Variants in KLHL29 observed in about 807,000 individuals in gnomAD.
KLHL29 encodes kelch like family member 29.
A neutral mutation model predicts 80.4 loss-of-function variants in KLHL29; 21 were observed. The ratio of observed to expected loss-of-function variants is 0.26; its 90% CI spans 0.19 to 0.38. The LOEUF is 0.38. Among genes scored for constraint, KLHL29 ranks in the 10% least tolerant of loss-of-function variants. The pLI, the probability that KLHL29 is intolerant of heterozygous loss-of-function variation, is 1.00. For missense variants in KLHL29, 867 were observed against 1,223.9 expected, an observed-to-expected ratio of 0.71 and a Z score of 4.35; for synonymous variants, 511 against 526.8, an observed-to-expected ratio of 0.97 and a Z score of 0.41.
chr2:23,513,090 G>A (rs567104586), intron 2 of KLHL29, among the ~76,000 whole-genome samples: 1 of 152,362 alleles, frequency 6.6e-6, no homozygotes, highest in East Asian at 1.9e-4. Flanking sequence ...AGAGCGTGGT[G>A]CTTCTCAAAG....
chr2:23,698,131 C>T (rs1672093871), intron 11 of KLHL29, among the ~76,000 whole-genome samples: 1 of 152,230 alleles, frequency 6.6e-6, no homozygotes, highest in Admixed American at 6.5e-5. Flanking sequence ...CCTGTATGGG[C>T]CTTCCCTGGG....
intron 2 of KLHL29, among the ~76,000 whole-genome samples, chr2:23,492,944 G>T (rs1175493010): frequency 6.6e-6 from 1 of 152,168 alleles, no homozygotes; most frequent in Non-Finnish European, 1.5e-5. Flanking sequence ...CTCAAGTCCT[G>T]CCTCTCTCCG....
At chr2:23,574,154 C>A (rs1020046171) in intron 3 of KLHL29, among the ~76,000 whole-genome samples, 1 of 152,090 alleles carries the variant, frequency 6.6e-6, no homozygotes, top group African/African-American at 2.4e-5. Context: ...GTGAGCTCAG[C>A]GCCACTTTGG....
chr2:23,694,309 C>T (rs72796119), intron 8 of KLHL29, among the ~76,000 whole-genome samples: 15,336 of 152,268 alleles, frequency 0.1, 869 homozygotes, highest in Middle Eastern at 0.17. Context: ...TTTCGCTACA[C>T]GCGCTCATTC....
At chr2:23,620,275 C>A (rs1424107906) in intron 3 of KLHL29, among the ~76,000 whole-genome samples, 1 of 152,122 alleles carries the variant, frequency 6.6e-6, no homozygotes, top group African/African-American at 2.4e-5. Flanking sequence ...GCACTCGATC[C>A]CTTCGACAAT....
rs182277482 is a variant in KLHL29, at chr2:23,534,766, A to G, written c.-45-27386A>G. 3.3e-5 allele frequency among the ~76,000 whole-genome samples: 5 copies of G among 152,258 alleles called. No individual in the cohort carries two copies. The East Asian group carries it at 9.7e-4, about 29-fold the overall frequency. On this transcript the variant is annotated intron_variant, in intron 2 of 13. Transcript: ENST00000486442. ...CTCCAGTGCTTCAAAACTTCCCTTG[A>G]CAGACTACTGTGGGTGACTAGTCAA...
At chr2:23,568,113 A>G (rs895855086) in intron 3 of KLHL29, among the ~76,000 whole-genome samples, 3 of 152,172 alleles carry the variant, frequency 2.0e-5, no homozygotes, top group African/African-American at 4.8e-5. Context: ...GAGTGGCCCG[A>G]ACTTAAATTT....
intron 3 of KLHL29, among the ~76,000 whole-genome samples, chr2:23,566,682 C>T (rs1482567975): frequency 2.0e-5 from 3 of 152,186 alleles, no homozygotes; most frequent in Non-Finnish European, 4.4e-5. Context: ...ATCCTAGCTC[C>T]GCCACTTAGA....
intron 2 of KLHL29, among the ~76,000 whole-genome samples, chr2:23,506,725 C>T (rs1198613274): frequency 6.6e-6 from 1 of 152,202 alleles, no homozygotes; most frequent in Non-Finnish European, 1.5e-5. Context: ...GCCATCGCCT[C>T]TCTTCCAGGA....
At chr2:23,471,613 A>C (rs1432183134) in intron 1 of KLHL29, among the ~76,000 whole-genome samples, 6 of 152,180 alleles carry the variant, frequency 3.9e-5, no homozygotes, top group African/African-American at 1.4e-4. Context: ...GCAGTGACTG[A>C]CTACCTACTG....
At chr2:23,554,454 A>G (rs1286368376) in intron 2 of KLHL29, among the ~76,000 whole-genome samples, 1 of 152,048 alleles carries the variant, frequency 6.6e-6, no homozygotes, top group African/African-American at 2.4e-5. Flanking sequence ...CTTCCTGTGG[A>G]TTAATCATGC....
chr2:23,454,925 C>T (rs549905628), intron 1 of KLHL29, among the ~76,000 whole-genome samples: 11 of 148,098 alleles, frequency 7.4e-5, no homozygotes, highest in Admixed American at 5.4e-4. Flanking sequence ...CATGGAATTC[C>T]GTGGCGCCTT....
chr2:23,456,595 C>T (rs1034043976), intron 1 of KLHL29, among the ~76,000 whole-genome samples: 10 of 152,378 alleles, frequency 6.6e-5, no homozygotes, highest in African/African-American at 9.6e-5. Context: ...CATTCTCCCG[C>T]GCCAGCTCTG....
At chr2:23,612,394 A>G (rs1668891160) in intron 3 of KLHL29, among the ~76,000 whole-genome samples, 1 of 152,242 alleles carries the variant, frequency 6.6e-6, no homozygotes. Flanking sequence ...CCCTTAGAAG[A>G]AAGAACAAAA....
rs544920165 is a variant in KLHL29, at chr2:23,466,842, A to T, written c.-153-8718A>T. Among the ~76,000 whole-genome samples, 14 of 152,308 alleles carry T rather than the reference A, an allele frequency of 9.2e-5. No homozygotes were observed. In the South Asian group the frequency reaches 2.3e-3, roughly 25 times the overall value. ...TTACTAGGGAGGGGAGAGGACCAGG[A>T]CTTTCTGCAGGAAGGAAGACTGGGT... On this transcript the variant is annotated intron_variant, in intron 1 of 13. Coordinates refer to ENST00000486442, the MANE Select transcript of KLHL29 (RefSeq NM_052920.2).
chr2:23,427,842 G>C (rs191218533), intron 1 of KLHL29, among the ~76,000 whole-genome samples: 147 of 152,242 alleles, frequency 9.7e-4, no homozygotes, highest in African/African-American at 3.4e-3. Flanking sequence ...GAATATTCTG[G>C]CATGTTGTAG....
chr2:23,703,580 C>T lies in KLHL29; in HGVS notation c.2300-139C>T, dbSNP rs1264991052. On this transcript the variant is annotated intron_variant, in intron 12 of 13. Coordinates refer to ENST00000486442, the MANE Select transcript of KLHL29 (RefSeq NM_052920.2). ...GTCAAGGCTCCAGGTTCCCCTAGGCCCCGGACCCATCCCCAGGCCAATCAG... is the reference window on the plus strand; with the variant it reads ...GTCAAGGCTCCAGGTTCCCCTAGGCTCCGGACCCATCCCCAGGCCAATCAG... 3 of 1,194,518 alleles carry T rather than the reference C, an allele frequency of 2.5e-6. No individual in the cohort carries two copies. In the East Asian group the frequency reaches 7.7e-5, roughly 31 times the overall value. The allele number at this position is 1,194,518 out of a possible 1,614,324, so 74.0% of individuals were successfully genotyped here. A position where few individuals can be genotyped will look rare whatever the true frequency, so the allele number is the denominator to read the frequency against.
Position 23,642,858 on chromosome 2 carries a change from C to T in KLHL29, c.940+8C>T. On this transcript the variant is annotated splice_region_variant and intron_variant, in intron 5 of 13. Transcript: ENST00000486442. ...ACCCGGGGCACCCCAGAGGTAAGTC[C>T]TGCTGCCACGTGCCTCCCCACGGGC... 2 of 1,550,298 alleles carry T rather than the reference C, an allele frequency of 1.3e-6. No individual in the cohort carries two copies. The highest frequency in any genetic ancestry group is 2.7e-5 in the African/African-American group (2 of 73,112).
At chr2:23,557,311 G>A (rs1335447560) in intron 2 of KLHL29, among the ~76,000 whole-genome samples, 5 of 152,130 alleles carry the variant, frequency 3.3e-5, no homozygotes, top group Admixed American at 6.6e-5. Flanking sequence ...TAACTGTGCC[G>A]TCTCACTCAG....
Sources: allele counts gnomAD v4.1 joint callset (sites outside exome capture counted in the v4.1 genomes callset), GRCh38; gene constraint gnomAD v4.1.1; transcripts MANE v1.5; gene names NCBI Gene and HGNC (gene_info 2026-07-23, HGNC 2026-07-21).